The following UBE4B variants were observed in gnomAD, a reference collection of about 807,000 sequenced individuals.
UBE4B encodes the protein ubiquitination factor E4B.
Under a neutral mutation model 148.1 loss-of-function variants are expected in UBE4B, and 27 were observed. The observed-to-expected ratio is 0.18, with a 90% CI of 0.13 to 0.25. The LOEUF (loss-of-function observed/expected upper bound fraction) is 0.25. Ranked by LOEUF, UBE4B falls within the 10% of genes least tolerant of loss-of-function variation. UBE4B has a pLI of 1.00. For synonymous variants in UBE4B, 596 were observed against 619.3 expected (o/e 0.96, Z 0.56); for missense variants, 1,170 against 1,662.4 (o/e 0.70, Z 5.15).
intron 1 of UBE4B, among the ~76,000 whole-genome samples, chr1:10,046,172 C>T (rs527284240): frequency 3.9e-5 from 6 of 152,208 alleles, no homozygotes; most frequent in Non-Finnish European, 8.8e-5. Context: ...CTGTTTACCT[C>T]TCACTGGCTG....
intron 3 of UBE4B, among the ~76,000 whole-genome samples, chr1:10,098,016 A>G (rs1024413272): frequency 6.6e-6 from 1 of 151,806 alleles, no homozygotes; most frequent in Non-Finnish European, 1.5e-5. Context: ...GATTACAGAC[A>G]TGGGCCACCA....
At chr1:10,093,439 G>T (rs934753780) in intron 2 of UBE4B, among the ~76,000 whole-genome samples, 2 of 152,056 alleles carry the variant, frequency 1.3e-5, no homozygotes, top group Non-Finnish European at 2.9e-5. Flanking sequence ...TATTTTACTT[G>T]AGTCCTAGGA....
chr1:10,100,020 C>T (rs762299071), intron 3 of UBE4B, among the ~76,000 whole-genome samples: 3 of 151,922 alleles, frequency 2.0e-5, no homozygotes, highest in African/African-American at 7.3e-5. Context: ...GATGGAGTCT[C>T]GCTCTGTCGC....
chr1:10,053,687 CTTT>C (rs916430073), intron 1 of UBE4B, among the ~76,000 whole-genome samples: 53 of 147,180 alleles, frequency 3.6e-4, no homozygotes, highest in African/African-American at 1.3e-3. Context: ...ATTTTGAAAA[CTTT>C]TTTTTTTTGA....
rs201415119 is a variant in UBE4B, at chr1:10,070,607, G to GT, written c.25-1413dup. On this transcript the variant is annotated intron_variant, in intron 1 of 27. Transcript: ENST00000343090. ...TTATAGAAATGGAATCATCCACTCT[G>GT]TTTTTTTTACATCTGGCTTCTTTTG... Among the ~76,000 whole-genome samples, 108 of 151,870 alleles carry GT rather than the reference G, an allele frequency of 7.1e-4. No homozygotes were observed. In the East Asian group the frequency reaches 0.019, roughly 27 times the overall value.
intron 3 of UBE4B, among the ~76,000 whole-genome samples, chr1:10,097,052 A>AAAATAAT (rs554089049): frequency 1.6e-4 from 22 of 138,536 alleles, no homozygotes; most frequent in African/African-American, 5.5e-4. Context: ...AAAAAAAAAA[A>AAAATAAT]AATAATAATA....
At chr1:10,072,550 A>G (rs767005128) in intron 2 of UBE4B, 2 of 699,698 alleles carry the variant, frequency 2.9e-6, no homozygotes, top group South Asian at 3.1e-5. Context: ...AAATAATCTG[A>G]AAATGCAAGA....
At chr1:10,093,652 C>T (rs1023279607) in intron 2 of UBE4B, among the ~76,000 whole-genome samples, 1 of 151,900 alleles carries the variant, frequency 6.6e-6, no homozygotes, top group Non-Finnish European at 1.5e-5. Context: ...GTTTTCACTA[C>T]AACGGGTAAC....
Position 10,120,233 on chromosome 1 carries a change from AG to A in UBE4B, c.1439+621del, listed in dbSNP as rs200109253. Among the ~76,000 whole-genome samples, 726 of 152,328 alleles carry A rather than the reference AG, an allele frequency of 4.8e-3. 9 individuals carry two copies. The highest frequency in any genetic ancestry group is 0.016 in the African/African-American group (681 of 41,580). ...CTAAAGGGAAAAGCTTACATTTAAA[AG>A]TTTAGGCCGAGCATGGTGGCTCACA... On this transcript the variant is annotated intron_variant, in intron 9 of 27. Transcript: ENST00000343090.
chr1:10,083,244 A>G (rs1040917756), intron 2 of UBE4B, among the ~76,000 whole-genome samples: 12 of 152,156 alleles, frequency 7.9e-5, no homozygotes, highest in Non-Finnish European at 1.3e-4. Context: ...TGAAGTGAGT[A>G]AGCAAACCAA....
chr1:10,106,355 G>A lies in UBE4B; in HGVS notation c.968G>A (p.Ser323Asn), dbSNP rs757149949. 9 of 1,613,814 alleles carry A rather than the reference G, an allele frequency of 5.6e-6. No homozygotes were observed. The Admixed American group carries it at 1.3e-4, about 24-fold the overall frequency. ...HSAASGTAAG[S>N]QPSSPRYRPY... Reference sequence around the variant, plus strand: ...GCAGCCTCTGGAACTGCTGCGGGAAGCCAGCCTTCATCCCCGCGGTATCGC... The same window carrying A: ...GCAGCCTCTGGAACTGCTGCGGGAAACCAGCCTTCATCCCCGCGGTATCGC... Residue 323 changes from serine (S) to asparagine (N), a missense_variant, in exon 7 of 28, where the codon AGC becomes AAC. By Grantham distance (46) the Ser-to-Asn change is conservative (BLOSUM62 1). Coordinates refer to ENST00000343090, the MANE Select transcript of UBE4B (RefSeq NM_001105562.3). The surrounding 1 kb of genome is among the most constrained non-coding windows in gnomAD (Gnocchi z 4.2).
chr1:10,046,461 T>A (rs892523171), intron 1 of UBE4B, among the ~76,000 whole-genome samples: 2 of 152,136 alleles, frequency 1.3e-5, no homozygotes, highest in African/African-American at 2.4e-5. Flanking sequence ...ATAATGGAAG[T>A]AGAAAGTCCT....
intron 25 of UBE4B, among the ~76,000 whole-genome samples, chr1:10,177,137 G>A (rs1040963405): frequency 2.3e-4 from 35 of 152,026 alleles, no homozygotes; most frequent in African/African-American, 7.5e-4. Context: ...GATGATACAT[G>A]TATCATTGGA....
intron 17 of UBE4B, among the ~76,000 whole-genome samples, chr1:10,141,167 T>G (rs1210443695): frequency 1.3e-5 from 2 of 152,158 alleles, no homozygotes. Flanking sequence ...TAATGGCATC[T>G]CAAAGGTGCC....
intron 1 of UBE4B, among the ~76,000 whole-genome samples, chr1:10,037,164 A>G (rs976150930): frequency 1.3e-5 from 2 of 152,104 alleles, no homozygotes; most frequent in Non-Finnish European, 2.9e-5. Context: ...AGTAGCTGGA[A>G]TTACAGGCAT....
intron 2 of UBE4B, among the ~76,000 whole-genome samples, chr1:10,094,978 C>G (rs1212195821): frequency 6.6e-6 from 1 of 152,022 alleles, no homozygotes; most frequent in Non-Finnish European, 1.5e-5. Context: ...GAGGTTTCAC[C>G]ATGTTGGCCA....
At chr1:10,101,429 TATCAGTAAA>T (rs1172571691) in intron 4 of UBE4B, among the ~76,000 whole-genome samples, 2 of 150,000 alleles carry the variant, frequency 1.3e-5, no homozygotes, top group Non-Finnish European at 1.5e-5. Context: ...GCCATGATTT[TATCAGTAAA>T]TTTAGGTTGT....
intron 2 of UBE4B, among the ~76,000 whole-genome samples, chr1:10,090,793 TTGTGTGTGTGTGTGTGTGTG>T (rs57486350): frequency 7.1e-6 from 1 of 141,402 alleles, no homozygotes; most frequent in Non-Finnish European, 1.5e-5. Flanking sequence ...GCCTATGCAT[TTGTGTGTGTGTGTGTGTGTG>T]TGTGTGTGTG....
intron 20 of UBE4B, 96 bp downstream of exon 20, chr1:10,149,378 A>C: frequency 1.0e-6 from 1 of 974,888 alleles, no homozygotes; most frequent in South Asian, 1.9e-5. Context: ...TTCATGCCTG[A>C]AATTTGATGT....
Sources: gnomAD v4.1 joint callset for allele counts (sites outside exome capture counted in the v4.1 genomes callset) on GRCh38, gnomAD v4.1.1 for gene constraint, Gnocchi (gnomAD v3.1) non-coding constraint, MANE v1.5 for transcripts, NCBI Gene and HGNC (gene_info 2026-07-23, HGNC 2026-07-21) for gene names.